Variants in AFDN observed in about 807,000 individuals in gnomAD.
AFDN encodes afadin, adherens junction formation factor, also known as afadin.
A neutral mutation model predicts 216.6 loss-of-function variants in AFDN; 68 were observed. The ratio of observed to expected loss-of-function variants is 0.31; its 90% CI spans 0.26 to 0.38. AFDN has a LOEUF of 0.38. AFDN is among the 10% of genes least tolerant of loss of function. The pLI is 1.00. For missense variants in AFDN, 2,136 were observed against 2,342.0 expected (o/e 0.91, Z 1.82); for synonymous variants, 868 against 853.7 (o/e 1.02, Z -0.29).
chr6:167,856,321 G>A (rs1782891749), intron 1 of AFDN, among the ~76,000 whole-genome samples: 1 of 152,092 alleles, frequency 6.6e-6, no homozygotes, highest in Non-Finnish European at 1.5e-5. Flanking sequence ...AAAAAAACCT[G>A]TAGTATATAT....
intron 4 of AFDN, among the ~76,000 whole-genome samples, chr6:167,872,584 G>A (rs148322675): frequency 0.028 from 4,332 of 152,298 alleles, 89 homozygotes; most frequent in African/African-American, 0.035. Flanking sequence ...TGCCTGTCTT[G>A]CTGTGCTTGG....
At position 167,950,424 on chromosome 6, in the gene AFDN, C is replaced by G. The variant is rs934406564; in HGVS notation, c.3832-762C>G. The stretch of plus-strand genomic sequence containing the variant: ...TGTGTGTGTGTGTGTGTGTGTGTGT[C>G]ATTTCTCTCTGTCTCTCACAGACAC... On this transcript the variant is annotated intron_variant, in intron 29 of 33. Coordinates refer to ENST00000683244, the MANE Select transcript of AFDN (RefSeq NM_001386888.1). 1.6e-3 allele frequency among the ~76,000 whole-genome samples: 204 copies of G among 126,174 alleles called. 2 individuals are homozygous for G. Among genetic ancestry groups the G allele is most frequent in the African/African-American group, 5.8e-3 (191 of 32,656 alleles). The allele number at this position is 126,174 out of a possible 152,430, so 82.8% of individuals were successfully genotyped here. A position where few individuals can be genotyped will look rare whatever the true frequency, so the allele number is the denominator to read the frequency against.
chr6:167,831,131 G>A (rs1471631871), intron 1 of AFDN, among the ~76,000 whole-genome samples: 2 of 151,816 alleles, frequency 1.3e-5, no homozygotes, highest in African/African-American at 2.4e-5. Context: ...TAGTAGAGAC[G>A]GGGTTTTGCC....
intron 1 of AFDN, among the ~76,000 whole-genome samples, chr6:167,856,196 A>G (rs1392638804): frequency 1.3e-5 from 2 of 152,164 alleles, no homozygotes; most frequent in Non-Finnish European, 2.9e-5. Context: ...CTTAAGGGCC[A>G]CAAAATGCAA....
intron 30 of AFDN, among the ~76,000 whole-genome samples, chr6:167,961,608 TTTCAAAA>T (rs1001229728): frequency 9.0e-4 from 134 of 148,676 alleles, no homozygotes; most frequent in African/African-American, 3.2e-3. Context: ...TTCTGTGTTG[TTTCAAAA>T]AGGCAGAACT....
At chr6:167,886,220 G>A (rs1421688332) in intron 6 of AFDN, among the ~76,000 whole-genome samples, 1 of 152,024 alleles carries the variant, frequency 6.6e-6, no homozygotes, top group African/African-American at 2.4e-5. Context: ...GATAAGCATG[G>A]GTATTTGGTA....
intron 1 of AFDN, among the ~76,000 whole-genome samples, chr6:167,849,977 T>G (rs1306771900): frequency 6.6e-6 from 1 of 152,184 alleles, no homozygotes; most frequent in East Asian, 1.9e-4. Flanking sequence ...TACCTTTTTG[T>G]TTTTCTCATG....
At chr6:167,827,291 C>G (rs1390994743) in intron 1 of AFDN, 54 bp downstream of exon 1, 22 of 766,230 alleles carry the variant, frequency 2.9e-5, no homozygotes, top group African/African-American at 7.7e-5. Context: ...GCGCCGCGCC[C>G]CGCCCCTCCC....
chr6:167,848,964 A>G (rs1363098865), intron 1 of AFDN, among the ~76,000 whole-genome samples: 1 of 152,202 alleles, frequency 6.6e-6, no homozygotes. Flanking sequence ...TTTATACAGC[A>G]GGATGAGACG....
chr6:167,898,160 G>A (rs1240123279), intron 10 of AFDN, 45 bp from the exon 11 acceptor site: 2 of 1,604,730 alleles, frequency 1.2e-6, no homozygotes, highest in Admixed American at 1.7e-5. Flanking sequence ...TTTAAATGCT[G>A]TGAACTTCAT....
chr6:167,924,930 A>G, intron 22 of AFDN, 75 bp from the exon 23 acceptor site: 1 of 997,970 alleles, frequency 1.0e-6, no homozygotes. Flanking sequence ...ATGATTGACT[A>G]GATCATGAGT....
chr6:167,869,949 C>T (rs1486773833), intron 2 of AFDN, among the ~76,000 whole-genome samples: 3 of 152,196 alleles, frequency 2.0e-5, no homozygotes, highest in South Asian at 2.1e-4. Flanking sequence ...CTGCTGCCAT[C>T]GCTTTGTGTG....
intron 1 of AFDN, chr6:167,827,640 T>C (rs940062990): frequency 2.0e-5 from 3 of 149,198 alleles, no homozygotes; most frequent in African/African-American, 7.3e-5. Context: ...CGGTTGTGGC[T>C]CGCGGCGCCC....
intron 6 of AFDN, among the ~76,000 whole-genome samples, chr6:167,886,711 T>G (rs1386008258): frequency 6.6e-6 from 1 of 152,222 alleles, no homozygotes; most frequent in African/African-American, 2.4e-5. Context: ...TACAAAGTTT[T>G]CTAAGTCAGA....
At chr6:167,920,249 G>T (rs1461310780) in intron 21 of AFDN, among the ~76,000 whole-genome samples, 1 of 152,142 alleles carries the variant, frequency 6.6e-6, no homozygotes, top group Non-Finnish European at 1.5e-5. Context: ...TGGGGAAGGA[G>T]GAGGGCTGGG....
chr6:167,943,184 C>G lies in AFDN; in HGVS notation c.3155C>G (p.Ala1052Gly). The change falls in exon 24 of 34, where the codon GCT (alanine) becomes GGT (glycine). Residue 1052 changes from alanine (A) to glycine (G), a missense_variant. Ala to Gly is a moderately conservative substitution (Grantham distance 60, BLOSUM62 0). Coordinates refer to ENST00000683244, the MANE Select transcript of AFDN (RefSeq NM_001386888.1). Reference protein sequence around the residue: ...IYVKSVVKGGAADVDGRLAAG... With the variant: ...IYVKSVVKGGGADVDGRLAAG... ...GTGAAGTCGGTTGTGAAAGGAGGTG[C>G]TGCAGATGTGGTCAGTATCATTTTG... 1 of 1,613,542 alleles carries G rather than the reference C, an allele frequency of 6.2e-7. No homozygotes were observed. Among genetic ancestry groups the G allele is most frequent in the Non-Finnish European group, 8.5e-7 (1 of 1,179,566 alleles).
chr6:167,913,495 ATAAG>A, intron 16 of AFDN, 72 bp downstream of exon 16: 1 of 1,379,220 alleles, frequency 7.3e-7, no homozygotes, highest in Non-Finnish European at 1.0e-6. Context: ...CCCATGTCAA[ATAAG>A]TAATACAACA....
Position 167,971,286 on chromosome 6 carries a change from A to G in AFDN, c.*1351A>G, listed in dbSNP as rs145025552. 3.0e-4 allele frequency: 66 copies of G among 218,382 alleles called. No individual in the cohort carries two copies. Among genetic ancestry groups the G allele is most frequent in the African/African-American group, 1.5e-3 (65 of 44,606 alleles). 13.5% of individuals were successfully genotyped at this position (218,382 alleles called of 1,614,324 possible). On this transcript the variant is annotated 3_prime_UTR_variant, in exon 34 of 34. Transcript: ENST00000683244. ...ACACATACGTATGTTAGGAAAATAG[A>G]CACATTTTCAAAGAGAATGTTCTCT...
At chr6:167,887,012 CAAAAAAAAAAAAAAAAA>C (rs67970460) in intron 6 of AFDN, among the ~76,000 whole-genome samples, 9 of 90,506 alleles carry the variant, frequency 9.9e-5, no homozygotes, top group Non-Finnish European at 2.1e-4. Flanking sequence ...GAGACTGTAT[CAAAAAAAAAAAAAAAAA>C]AAAAGAATGC....
Sources: allele counts gnomAD v4.1 joint callset (sites outside exome capture counted in the v4.1 genomes callset), GRCh38; gene constraint gnomAD v4.1.1; transcripts MANE v1.5; gene names NCBI Gene and HGNC (gene_info 2026-07-23, HGNC 2026-07-21).